The following KNDC1 variants were observed in gnomAD, a reference collection of about 807,000 sequenced individuals.
The protein encoded by KNDC1 is kinase non-catalytic C-lobe domain-containing protein 1.
KNDC1 carries 106 observed loss-of-function variants against 172.8 expected under a neutral mutation model. The observed-to-expected ratio is 0.61, with a 90% CI of 0.52 to 0.72. The LOEUF (loss-of-function observed/expected upper bound fraction) is 0.72, where lower values mean the gene tolerates loss of function less well. Ranked by LOEUF, KNDC1 falls within the 30% of genes least tolerant of loss-of-function variation. KNDC1 has a pLI of 0.00. For missense variants in KNDC1, 2,325 were observed against 2,394.5 expected (o/e 0.97, Z 0.61); for synonymous variants, 1,083 against 1,062.2 (o/e 1.02, Z -0.38).
At chr10:133,223,027 G>C (rs1589780722) in intron 29 of KNDC1, among the ~76,000 whole-genome samples, 2 of 30,548 alleles carry the variant, frequency 6.5e-5, no homozygotes, top group South Asian at 2.0e-3. Context: ...GTGTGTGTGT[G>C]TGTGAGAGCC....
At chr10:133,191,209 C>T (rs1457192359) in intron 9 of KNDC1, among the ~76,000 whole-genome samples, 2 of 116,362 alleles carry the variant, frequency 1.7e-5, no homozygotes, top group African/African-American at 3.6e-5. Flanking sequence ...TGTGGTGGCA[C>T]GTGCCTGTAA....
In KNDC1 at chr10:133,198,674, G is replaced by T; in HGVS notation, c.2166G>T (p.Gly722=). 1.3e-6 allele frequency: 2 copies of T among 1,593,166 alleles called. No homozygotes were observed. Among genetic ancestry groups the T allele is most frequent in the Non-Finnish European group, 1.7e-6 (2 of 1,171,072 alleles). Residue 722 remains glycine, a synonymous_variant, in exon 14 of 30, where the codon GGG becomes GGT. Coordinates refer to ENST00000304613, the MANE Select transcript of KNDC1 (RefSeq NM_152643.8). ...EEKLSLEAHA[G]SPSLKTPDGP... is the part of the protein sequence containing the mutation. Reference sequence around the variant, plus strand: ...AGCTCTCCCTGGAGGCCCACGCTGGGTCCCCCAGCCTGAAGACGCCTGACG... The same window carrying T: ...AGCTCTCCCTGGAGGCCCACGCTGGTTCCCCCAGCCTGAAGACGCCTGACG...
At chr10:133,167,838 C>T (rs936669048) in intron 2 of KNDC1, among the ~76,000 whole-genome samples, 4 of 152,312 alleles carry the variant, frequency 2.6e-5, no homozygotes, top group East Asian at 1.9e-4. Flanking sequence ...GAGCCCCCTC[C>T]GCTCAGGACT....
At chr10:133,174,404 CGGTG>C in intron 3 of KNDC1, among the ~76,000 whole-genome samples, 1 of 139,350 alleles carries the variant, frequency 7.2e-6, no homozygotes, top group Non-Finnish European at 1.6e-5. Context: ...GAAGGAAGGG[CGGTG>C]AAGATGGGGA....
At chr10:133,162,653 C>T (rs1009712398) in intron 1 of KNDC1, among the ~76,000 whole-genome samples, 3 of 152,278 alleles carry the variant, frequency 2.0e-5, no homozygotes, top group Non-Finnish European at 4.4e-5. Context: ...TACACCCCCA[C>T]GAATGCCTTC....
chr10:133,197,553 C>T (rs1003396806), intron 11 of KNDC1, 122 bp from the exon 12 acceptor site: 13 of 779,750 alleles, frequency 1.7e-5, no homozygotes, highest in Non-Finnish European at 2.6e-5. Flanking sequence ...GCCGCCATGC[C>T]CGGCTCCTCC....
At position 133,163,089 on chromosome 10, in the gene KNDC1, A is replaced by G. The variant is rs969340704; in HGVS notation, c.102+2520A>G. On this transcript the variant is annotated intron_variant, in intron 1 of 29. Coordinates refer to ENST00000304613, the MANE Select transcript of KNDC1 (RefSeq NM_152643.8). The surrounding 1 kb of genome is among the most constrained non-coding windows in gnomAD (Gnocchi z 4.4). ...GATTTCAGTCACTGTGGATGGGGGT[A>G]TGGGATCTGAGGCAGAACAGTGCAA... 1.3e-5 allele frequency among the ~76,000 whole-genome samples: 2 copies of G among 152,282 alleles called. No individual in the cohort carries two copies. Among genetic ancestry groups the G allele is most frequent in the African/African-American group, 4.8e-5 (2 of 41,560 alleles).
chr10:133,162,386 A>C (rs1219693043), intron 1 of KNDC1, among the ~76,000 whole-genome samples: 1 of 152,210 alleles, frequency 6.6e-6, no homozygotes, highest in African/African-American at 2.4e-5. Context: ...CGGAAGGCCA[A>C]GGGTGCAGGG....
intron 2 of KNDC1, among the ~76,000 whole-genome samples, chr10:133,167,942 G>A (rs528036935): frequency 2.0e-5 from 3 of 152,306 alleles, no homozygotes; most frequent in East Asian, 1.9e-4. Context: ...AGGGTGGGAC[G>A]CCCCTGCCTC....
chr10:133,169,552 G>A (rs887980626), intron 3 of KNDC1, among the ~76,000 whole-genome samples: 1 of 152,240 alleles, frequency 6.6e-6, no homozygotes, highest in African/African-American at 2.4e-5. Flanking sequence ...CACCCTGGGA[G>A]GTGGGCAGGG....
In KNDC1 at chr10:133,198,633, G is replaced by C. The variant is rs529957705; in HGVS notation, c.2125G>C (p.Gly709Arg). The C allele has an allele frequency of 2.2e-5, 36 of 1,605,626 alleles. No homozygotes were observed. The Admixed American group carries it at 3.4e-4, about 15-fold the overall frequency. Residue 709 changes from glycine to arginine, a missense_variant, in exon 14 of 30, where the codon GGA (glycine) becomes CGA (arginine). Coordinates refer to ENST00000304613, the MANE Select transcript of KNDC1 (RefSeq NM_152643.8). Reference sequence around the variant, plus strand: ...CGAGGAGAGGGGCGGCCAGAGGGAGGGAGAAGGTGAGGAGAAGCTCTCCCT... The same window carrying C: ...CGAGGAGAGGGGCGGCCAGAGGGAGCGAGAAGGTGAGGAGAAGCTCTCCCT... ...ESEERGGQRE[G>R]EGEEKLSLEA...
chr10:133,217,909 C>T (rs34304273), intron 26 of KNDC1, among the ~76,000 whole-genome samples: 3,113 of 142,624 alleles, frequency 0.022, 1 homozygote, highest in African/African-American at 0.054. Flanking sequence ...ACCCTGTCTC[C>T]ACTAAAAATA....
intron 20 of KNDC1, 136 bp from the exon 21 acceptor site, chr10:133,210,475 T>G (rs1845338554): frequency 1.7e-6 from 1 of 579,518 alleles, no homozygotes; most frequent in East Asian, 2.8e-5. Context: ...CCCTTTAATT[T>G]CTCCGGGGAT....
rs539208846 is a variant in KNDC1 at position 133,189,523 on chromosome 10, C to T, written c.1442-75C>T. ...GGGCTGCCCGGCCTGACTGAGGCTC[C>T]GCAGCTCCTTCCCCCCAGCCAGCCC... On this transcript the variant is annotated intron_variant, in intron 7 of 29. Coordinates refer to ENST00000304613, the MANE Select transcript of KNDC1 (RefSeq NM_152643.8). 41 of 1,432,012 alleles carry T rather than the reference C, an allele frequency of 2.9e-5. 1 individual carries two copies. The highest frequency in any genetic ancestry group is 4.7e-5 in the East Asian group (2 of 42,210). The allele number at this position is 1,432,012 out of a possible 1,614,324, so 88.7% of individuals were successfully genotyped here.
Position 133,167,663 on chromosome 10 carries a change from C to T in KNDC1, c.301+84C>T, listed in dbSNP as rs937840096. 2.8e-5 allele frequency: 39 copies of T among 1,392,654 alleles called. 1 individual carries two copies. The South Asian group carries it at 3.0e-4, about 11-fold the overall frequency. 86.3% of individuals were successfully genotyped at this position (1,392,654 alleles called of 1,614,324 possible). On this transcript the variant is annotated intron_variant, in intron 2 of 29. Transcript: ENST00000304613. ...GGGGGGATGTGAGCACTGGCTCTGC[C>T]GGAGCAGATGCTGGGAGCATGCCCG... is the stretch of plus-strand genomic sequence containing the variant.
chr10:133,213,753 G>A (rs760468538), intron 25 of KNDC1, 26 bp downstream of exon 25: 3 of 1,607,252 alleles, frequency 1.9e-6, no homozygotes, highest in Middle Eastern at 1.7e-4. Flanking sequence ...CCTCAGCTGG[G>A]AGCGGTGGTG....
intron 15 of KNDC1, 49 bp from the exon 16 acceptor site, chr10:133,200,326 C>G: frequency 7.0e-7 from 1 of 1,434,938 alleles, no homozygotes; most frequent in Non-Finnish European, 9.4e-7. Flanking sequence ...AGACTGTGGC[C>G]TCCTCCCAGT....
chr10:133,184,382 C>T (rs1264590989), intron 5 of KNDC1, among the ~76,000 whole-genome samples: 1 of 145,564 alleles, frequency 6.9e-6, no homozygotes, highest in Non-Finnish European at 1.5e-5. Flanking sequence ...CACACACATG[C>T]TGCGCACACA....
intron 26 of KNDC1, among the ~76,000 whole-genome samples, chr10:133,215,390 C>G (rs1319528629): frequency 6.6e-6 from 1 of 152,228 alleles, no homozygotes; most frequent in Non-Finnish European, 1.5e-5. Flanking sequence ...CGCAGGCAAC[C>G]CCGGGCCGTA....
Sources: gnomAD v4.1 joint callset for allele counts (sites outside exome capture counted in the v4.1 genomes callset) on GRCh38, gnomAD v4.1.1 for gene constraint, Gnocchi (gnomAD v3.1) non-coding constraint, MANE v1.5 for transcripts, NCBI Gene and HGNC (gene_info 2026-07-23, HGNC 2026-07-21) for gene names.